MCC: variants seen among roughly 807,000 people sequenced by gnomAD.
MCC encodes MCC regulator of Wnt signaling pathway.
A neutral mutation model predicts 116.2 loss-of-function variants in MCC; 90 were observed. The ratio of observed to expected loss-of-function variants is 0.77; its 90% CI spans 0.65 to 0.92. The LOEUF is 0.92. Among genes scored for constraint, MCC ranks in the 40% least tolerant of loss-of-function variants. The probability of loss-of-function intolerance (pLI) is 0.00; values close to 1 mark genes in which losing one functional copy is unlikely to be tolerated. For missense variants in MCC, 1,516 were observed against 1,312.2 expected, an observed-to-expected ratio of 1.16 and a Z score of -2.40; for synonymous variants, 578 against 510.5, an observed-to-expected ratio of 1.13 and a Z score of -1.78.
chr5:113,242,991 G>A (rs1764435707), intron 3 of MCC, among the ~76,000 whole-genome samples: 1 of 152,166 alleles, frequency 6.6e-6, no homozygotes, highest in Non-Finnish European at 1.5e-5. Flanking sequence ...ATCATGGAGG[G>A]AAAGTCTGTT....
At chr5:113,401,998 C>A (rs1309420962) in intron 1 of MCC, among the ~76,000 whole-genome samples, 1 of 151,556 alleles carries the variant, frequency 6.6e-6, no homozygotes, top group Non-Finnish European at 1.5e-5. Context: ...TATGGGGGCA[C>A]AAAAACACAC....
intron 3 of MCC, among the ~76,000 whole-genome samples, chr5:113,193,895 A>G (rs887989566): frequency 6.6e-6 from 1 of 152,040 alleles, no homozygotes; most frequent in Non-Finnish European, 1.5e-5. Context: ...TAACTGAAGC[A>G]CAATTTGGGT....
intron 1 of MCC, among the ~76,000 whole-genome samples, chr5:113,413,086 T>C (rs1328610354): frequency 2.0e-5 from 3 of 152,210 alleles, no homozygotes; most frequent in African/African-American, 7.2e-5. Context: ...TTGATTTGCG[T>C]ACGTTGAACC....
rs1005916004 is a variant in MCC at position 113,334,434 on chromosome 5, G to A, written c.627+6085C>T. Among the ~76,000 whole-genome samples, 41 of 151,118 alleles carry A rather than the reference G, an allele frequency of 2.7e-4. 1 individual carries two copies. Among genetic ancestry groups the A allele is most frequent in the African/African-American group, 9.1e-4 (37 of 40,664 alleles). ...TGTTGCCCAGGATGGTCAGACTCCC[G>A]GGTTCACGCGATCTGCCCACCTTGG... is the stretch of plus-strand genomic sequence containing the variant. On this transcript the variant is annotated intron_variant, in intron 3 of 18. Coordinates refer to ENST00000408903, the MANE Select transcript of MCC (RefSeq NM_001085377.2).
intron 3 of MCC, among the ~76,000 whole-genome samples, chr5:113,291,854 G>A (rs959090318): frequency 6.6e-6 from 1 of 152,192 alleles, no homozygotes; most frequent in African/African-American, 2.4e-5. Flanking sequence ...CTGCTCTGTG[G>A]ATATTAGAAA....
At chr5:113,319,031 A>C (rs28462299) in intron 3 of MCC, among the ~76,000 whole-genome samples, 4,923 of 151,994 alleles carry the variant, frequency 0.032, 266 homozygotes, top group African/African-American at 0.11. Context: ...CCACATCTGG[A>C]TAATTTCTTA....
intron 10 of MCC, among the ~76,000 whole-genome samples, chr5:113,083,559 C>A (rs1214801912): frequency 2.6e-5 from 4 of 152,146 alleles, no homozygotes; most frequent in African/African-American, 9.7e-5. Context: ...CCTAAAAGAT[C>A]CCTTAAAGAA....
intron 1 of MCC, among the ~76,000 whole-genome samples, chr5:113,463,323 G>A (rs922454061): frequency 6.6e-6 from 1 of 152,238 alleles, no homozygotes; most frequent in African/African-American, 2.4e-5. Context: ...TAGGTACAGT[G>A]TGGAGGACTG....
chr5:113,394,495 C>A (rs963952384), intron 1 of MCC, among the ~76,000 whole-genome samples: 1 of 152,214 alleles, frequency 6.6e-6, no homozygotes, highest in African/African-American at 2.4e-5. Flanking sequence ...TCTCTAGTCT[C>A]ATCTTCTTGC....
At chr5:113,358,450 T>A (rs536522461) in intron 2 of MCC, among the ~76,000 whole-genome samples, 1 of 152,332 alleles carries the variant, frequency 6.6e-6, no homozygotes, top group East Asian at 1.9e-4. Flanking sequence ...ATCCTTCATT[T>A]GAGCACTGGG....
rs1757563762 is a variant in MCC, at chr5:113,118,958, C to T, written c.1027+3726G>A. Among the ~76,000 whole-genome samples the T allele has an allele frequency of 2.6e-5, 4 of 152,314 alleles. No homozygotes were observed. The South Asian group carries it at 6.2e-4, about 24-fold the overall frequency. On this transcript the variant is annotated intron_variant, in intron 6 of 18. Coordinates refer to ENST00000408903, the MANE Select transcript of MCC (RefSeq NM_001085377.2). ...CCCACTCAGTTCCCAGATTCCTGCT[C>T]GGCTGTGACCTCTGGCAAGCATTCT...
intron 13 of MCC, 104 bp from the exon 14 acceptor site, chr5:113,064,271 A>C: frequency 9.1e-7 from 1 of 1,096,004 alleles, no homozygotes; most frequent in African/African-American, 1.6e-5. Flanking sequence ...CAGAGGTGGC[A>C]CTGTGGAAGG....
At chr5:113,057,117 G>A (rs1340991220) in intron 14 of MCC, among the ~76,000 whole-genome samples, 1 of 152,190 alleles carries the variant, frequency 6.6e-6, no homozygotes, top group African/African-American at 2.4e-5. Flanking sequence ...CCAGCAGAAC[G>A]AGATGGTGAC....
At chr5:113,323,746 AGCAGTAAT>A (rs570656150) in intron 3 of MCC, among the ~76,000 whole-genome samples, 114 of 152,310 alleles carry the variant, frequency 7.5e-4, no homozygotes, top group African/African-American at 2.6e-3. Flanking sequence ...GTGGGCCTGG[AGCAGTAAT>A]GCACAACTGC....
In MCC at chr5:113,022,966, A is replaced by G; in HGVS notation, c.*4336T>C. The G allele has an allele frequency of 6.6e-6, 1 of 152,228 alleles. No homozygotes were observed. The highest frequency in any genetic ancestry group is 1.9e-4 in the East Asian group (1 of 5,200). The allele number at this position is 152,228 out of a possible 1,614,324, so 9.4% of individuals were successfully genotyped here. The stretch of plus-strand genomic sequence containing the variant: ...AACCTTTAAGCAAAAATGTATGGTG[A>G]TCTGCATGTGAAACTGTCTTTCTCT... On this transcript the variant is annotated 3_prime_UTR_variant, in exon 19 of 19. Transcript: ENST00000408903.
At chr5:113,414,016 C>T (rs1770069744) in intron 1 of MCC, among the ~76,000 whole-genome samples, 1 of 152,146 alleles carries the variant, frequency 6.6e-6, no homozygotes, top group South Asian at 2.1e-4. Flanking sequence ...TTTCTGCCTT[C>T]ATTTTGTTAT....
intron 3 of MCC, among the ~76,000 whole-genome samples, chr5:113,174,343 A>G (rs1761220602): frequency 6.6e-6 from 1 of 152,196 alleles, no homozygotes; most frequent in South Asian, 2.1e-4. Flanking sequence ...TCGTACCTAC[A>G]CTGCTGGTAT....
At chr5:113,277,362 C>A (rs1272754053) in intron 3 of MCC, among the ~76,000 whole-genome samples, 4 of 104,290 alleles carry the variant, frequency 3.8e-5, no homozygotes, top group African/African-American at 6.3e-5. Flanking sequence ...AGTGAGACTC[C>A]ATCTCAAAAA....
chr5:113,220,471 G>C (rs1430272572), intron 3 of MCC, among the ~76,000 whole-genome samples: 1 of 152,050 alleles, frequency 6.6e-6, no homozygotes, highest in African/African-American at 2.4e-5. Context: ...GAATACAGCA[G>C]CTTGCTCCAT....
Sources: gnomAD v4.1 joint callset for allele counts (sites outside exome capture counted in the v4.1 genomes callset) on GRCh38, gnomAD v4.1.1 for gene constraint, MANE v1.5 for transcripts, NCBI Gene and HGNC (gene_info 2026-07-23, HGNC 2026-07-21) for gene names.